The following ADGRA3 variants were observed in gnomAD, a reference collection of about 807,000 sequenced individuals.
ADGRA3 encodes the protein G-protein coupled receptor 125.
In ADGRA3, 56 loss-of-function variants were observed where a neutral mutation model predicts 119.8. That is an observed-to-expected ratio of 0.47 (90% confidence interval 0.38 to 0.58). The LOEUF (loss-of-function observed/expected upper bound fraction) is 0.58. Ranked by LOEUF, ADGRA3 falls within the 20% of genes least tolerant of loss-of-function variation. The pLI is 0.00. For missense variants in ADGRA3, 1,516 were observed against 1,649.0 expected, an observed-to-expected ratio of 0.92 and a Z score of 1.40; for synonymous variants, 607 against 623.8, an observed-to-expected ratio of 0.97 and a Z score of 0.40.
At chr4:22,389,418 A>G (rs1450095026) in intron 17 of ADGRA3, among the ~76,000 whole-genome samples, 2 of 151,968 alleles carry the variant, frequency 1.3e-5, no homozygotes, top group Non-Finnish European at 1.5e-5. Flanking sequence ...GAGTAGAGGA[A>G]AGCTGATCGG....
intron 1 of ADGRA3, among the ~76,000 whole-genome samples, chr4:22,474,104 T>C (rs546492038): frequency 6.6e-6 from 1 of 152,302 alleles, no homozygotes; most frequent in South Asian, 2.1e-4. Flanking sequence ...AGTCAATATG[T>C]AATAGCTCTA....
At chr4:22,430,402 G>A (rs536516749) in intron 10 of ADGRA3, among the ~76,000 whole-genome samples, 110 of 152,242 alleles carry the variant, frequency 7.2e-4, no homozygotes, top group South Asian at 7.1e-3. Flanking sequence ...GGTCTGGGAT[G>A]GAGATGAGGA....
chr4:22,400,320 TAAAGAA>T (rs1714560195), intron 16 of ADGRA3, among the ~76,000 whole-genome samples: 1 of 151,936 alleles, frequency 6.6e-6, no homozygotes, highest in Non-Finnish European at 1.5e-5. Flanking sequence ...AACAAATAGA[TAAAGAA>T]AATGTGGTCT....
At position 22,450,068 on chromosome 4, in the gene ADGRA3, G is replaced by A. The variant is rs376564578; in HGVS notation, c.474-2557C>T. Among the ~76,000 whole-genome samples, 14 of 152,156 alleles carry A rather than the reference G, an allele frequency of 9.2e-5. No individual in the cohort carries two copies. The East Asian group carries it at 2.5e-3, about 27-fold the overall frequency. On this transcript the variant is annotated intron_variant, in intron 4 of 18. Transcript: ENST00000334304. ...GTGAAGTAATTAGCTTGGATTTGGG[G>A]GGACATAAGCAATGACACATATTTT...
At position 22,426,753 on chromosome 4, in the gene ADGRA3, C is replaced by T. The variant is rs74796950; in HGVS notation, c.1444-2401G>A. 1.6e-4 allele frequency among the ~76,000 whole-genome samples: 25 copies of T among 152,236 alleles called. 1 individual carries two copies. The East Asian group carries it at 4.6e-3, about 28-fold the overall frequency. ...TCTCAAGGGGTACTTCCCCCCAAAC[C>T]GAAGATATTAACAAGATCAAATGAC... is the stretch of plus-strand genomic sequence containing the variant. On this transcript the variant is annotated intron_variant, in intron 10 of 18. Coordinates refer to ENST00000334304, the MANE Select transcript of ADGRA3 (RefSeq NM_145290.4).
chr4:22,392,351 G>T (rs1714167692), intron 17 of ADGRA3, among the ~76,000 whole-genome samples, 194 bp downstream of exon 17: 1 of 152,138 alleles, frequency 6.6e-6, no homozygotes, highest in Non-Finnish European at 1.5e-5. Flanking sequence ...ATCTTGGAAG[G>T]CTCAGAGAGG....
At position 22,515,710 on chromosome 4, in the gene ADGRA3, G is replaced by C. The variant is rs1268450051; in HGVS notation, c.75C>G (p.Leu25=). 9.4e-7 allele frequency: 1 copy of C among 1,067,510 alleles called. No individual in the cohort carries two copies. The highest frequency in any genetic ancestry group is 4.3e-5 in the South Asian group (1 of 23,252). 66.1% of individuals were successfully genotyped at this position (1,067,510 alleles called of 1,614,324 possible). ...LLLPLSLLAL[L]ALLGGGGGGG... ...CGCCGCCGCCGCCTCCCAGCAGCGCGAGCAGCGCTAACAGCGAGAGCGGCA... is the reference window on the plus strand; with the variant it reads ...CGCCGCCGCCGCCTCCCAGCAGCGCCAGCAGCGCTAACAGCGAGAGCGGCA... The change falls in exon 1 of 19, where the codon CTC becomes CTG. Residue 25 remains leucine (L), a synonymous_variant. Transcript: ENST00000334304.
intron 1 of ADGRA3, among the ~76,000 whole-genome samples, chr4:22,482,302 ATGG>A (rs1287456380): frequency 6.6e-6 from 1 of 152,184 alleles, no homozygotes; most frequent in Non-Finnish European, 1.5e-5. Context: ...AAAGAACATA[ATGG>A]TGAATATCTG....
chr4:22,513,852 A>G (rs1719542056), intron 1 of ADGRA3, among the ~76,000 whole-genome samples: 1 of 138,406 alleles, frequency 7.2e-6, no homozygotes, highest in Non-Finnish European at 1.6e-5. Flanking sequence ...AGGCAAAAAA[A>G]AAAAAAAAAA....
intron 10 of ADGRA3, among the ~76,000 whole-genome samples, chr4:22,425,073 A>T (rs1296544147): frequency 3.8e-5 from 5 of 132,456 alleles, no homozygotes; most frequent in Non-Finnish European, 6.4e-5. Context: ...AGACACTCTT[A>T]AAAAAAAAAA....
intron 1 of ADGRA3, among the ~76,000 whole-genome samples, chr4:22,490,087 C>T (rs999111491): frequency 1.3e-5 from 2 of 152,010 alleles, no homozygotes; most frequent in Admixed American, 1.3e-4. Context: ...TTTCTATTTT[C>T]AATTCTTTAT....
intron 4 of ADGRA3, among the ~76,000 whole-genome samples, chr4:22,448,815 T>TA (rs1432827264): frequency 6.6e-6 from 1 of 152,156 alleles, no homozygotes; most frequent in Admixed American, 6.5e-5. Flanking sequence ...ACAGAATAAG[T>TA]ACCTAGGAAC....
chr4:22,437,934 C>T (rs1465715434), intron 8 of ADGRA3, among the ~76,000 whole-genome samples: 1 of 152,168 alleles, frequency 6.6e-6, no homozygotes, highest in African/African-American at 2.4e-5. Flanking sequence ...AAATACCTTA[C>T]TTAACCTGTT....
At chr4:22,412,009 C>T (rs1004327904) in intron 14 of ADGRA3, among the ~76,000 whole-genome samples, 3 of 151,924 alleles carry the variant, frequency 2.0e-5, no homozygotes, top group African/African-American at 7.2e-5. Flanking sequence ...TTCAGGTTTA[C>T]TTCAAGATCA....
chr4:22,458,604 T>C (rs1418367843), intron 3 of ADGRA3, among the ~76,000 whole-genome samples: 1 of 152,220 alleles, frequency 6.6e-6, no homozygotes, highest in Non-Finnish European at 1.5e-5. Flanking sequence ...TTTGTTGAAC[T>C]GAACTGACAC....
At position 22,435,344 on chromosome 4, in the gene ADGRA3, A is replaced by G. The variant is rs747806542; in HGVS notation, c.1410T>C (p.Phe470=). The change falls in exon 10 of 19, where the codon TTT becomes TTC. Residue 470 remains phenylalanine (F), a synonymous_variant. Transcript: ENST00000334304. ...ATTTTTCCTCCTTGGTAAATCTTCC[A>G]AATTTTTCAATCATTTCTGCCACAA... The part of the protein sequence containing the change: ...VIFVAEMIEK[F]GRFTKEEKSK... The G allele has an allele frequency of 6.2e-7, 1 of 1,613,412 alleles. No individual in the cohort carries two copies. Among genetic ancestry groups the G allele is most frequent in the African/African-American group, 1.3e-5 (1 of 74,914 alleles).
At chr4:22,442,053 G>T (rs371076759) in intron 7 of ADGRA3, among the ~76,000 whole-genome samples, 11 of 152,172 alleles carry the variant, frequency 7.2e-5, no homozygotes, top group African/African-American at 2.4e-4. Flanking sequence ...TAGGTGGAAA[G>T]AAAGAAGAAA....
At chr4:22,501,635 A>T (rs1719051378) in intron 1 of ADGRA3, among the ~76,000 whole-genome samples, 1 of 152,134 alleles carries the variant, frequency 6.6e-6, no homozygotes, top group South Asian at 2.1e-4. Context: ...TAAAGCTGCC[A>T]CCACCTACAC....
In ADGRA3 at chr4:22,388,299, C is replaced by A; in HGVS notation, c.3372G>T (p.Gln1124His). The A allele has an allele frequency of 6.2e-7, 1 of 1,614,050 alleles. No homozygotes were observed. The highest frequency in any genetic ancestry group is 8.5e-7 in the Non-Finnish European group (1 of 1,179,998). ...KLTNLQAAAA[Q>H]CHANSLPLNS... ...TCAAAGGTAAAGAATTGGCATGGCA[C>A]TGAGCTGCAGCCGCCTGCAAGTTTG... The change falls in exon 19 of 19, where the codon CAG (glutamine) becomes CAT (histidine). Residue 1124 changes from glutamine (Q) to histidine (H), a missense_variant. Transcript: ENST00000334304.
Sources: allele counts gnomAD v4.1 joint callset (sites outside exome capture counted in the v4.1 genomes callset), GRCh38; gene constraint gnomAD v4.1.1; transcripts MANE v1.5; gene names NCBI Gene and HGNC (gene_info 2026-07-23, HGNC 2026-07-21).